PIBF1: variants seen among roughly 807,000 people sequenced by gnomAD.
PIBF1 encodes progesterone-induced-blocking factor 1.
Under a neutral mutation model 112.5 loss-of-function variants are expected in PIBF1, and 90 were observed. That is an observed-to-expected ratio of 0.80 (90% CI 0.67 to 0.95). The LOEUF (loss-of-function observed/expected upper bound fraction) is 0.95, where lower values mean the gene tolerates loss of function less well. Ranked by LOEUF, PIBF1 falls within the 40% of genes least tolerant of loss-of-function variation. The probability of loss-of-function intolerance (pLI) is 0.00; values close to 1 mark genes in which losing one functional copy is unlikely to be tolerated. For synonymous variants in PIBF1, 301 were observed against 288.6 expected (o/e 1.04, Z -0.44); for missense variants, 915 against 852.3 (o/e 1.07, Z -0.92).
chr13:72,915,829 C>G (rs2041073201), intron 12 of PIBF1, among the ~76,000 whole-genome samples: 1 of 152,106 alleles, frequency 6.6e-6, no homozygotes, highest in Non-Finnish European at 1.5e-5. Flanking sequence ...ATCTTTACTA[C>G]AGAAGGGCCA....
At chr13:73,012,139 A>G (rs1171165463) in intron 17 of PIBF1, among the ~76,000 whole-genome samples, 2 of 152,056 alleles carry the variant, frequency 1.3e-5, no homozygotes, top group Non-Finnish European at 2.9e-5. Context: ...ATCACCTGAG[A>G]TCAGGAGGTC....
chr13:72,853,311 A>G (rs1351745022), intron 9 of PIBF1, among the ~76,000 whole-genome samples: 3 of 152,136 alleles, frequency 2.0e-5, no homozygotes, highest in African/African-American at 7.2e-5. Flanking sequence ...CCAGTACCCT[A>G]ACTTCATACT....
chr13:72,998,792 C>G (rs369265112), intron 16 of PIBF1, 30 bp from the exon 17 acceptor site: 2 of 1,545,306 alleles, frequency 1.3e-6, no homozygotes, highest in African/African-American at 2.7e-5. Flanking sequence ...ATCACTCTTG[C>G]TACTTTCTTC....
chr13:72,824,901 C>T (rs1160332000), intron 6 of PIBF1, among the ~76,000 whole-genome samples: 2 of 152,184 alleles, frequency 1.3e-5, no homozygotes, highest in Admixed American at 1.3e-4. Flanking sequence ...GTTTCTGTAT[C>T]AGAGAATCAT....
At chr13:72,834,060 A>G (rs1289625567) in intron 8 of PIBF1, among the ~76,000 whole-genome samples, 2 of 152,188 alleles carry the variant, frequency 1.3e-5, no homozygotes, top group Non-Finnish European at 2.9e-5. Flanking sequence ...TCCTATGACT[A>G]ATATCTCTAT....
In PIBF1 at chr13:72,865,634, G is replaced by T. The variant is rs114527656; in HGVS notation, c.1322+11479G>T. Among the ~76,000 whole-genome samples the T allele has an allele frequency of 7.4e-3, 1,119 of 152,198 alleles. 9 individuals are homozygous for T. Among genetic ancestry groups the T allele is most frequent in the African/African-American group, 0.025 (1,026 of 41,530 alleles). On this transcript the variant is annotated intron_variant, in intron 10 of 17. Transcript: ENST00000326291. ...ATGCTTCAAGATGATTGCAAGCATT[G>T]CATTCATTTTGCAAATGAGGAAACA... is the stretch of plus-strand genomic sequence containing the variant.
chr13:72,977,553 G>C (rs112520261), intron 16 of PIBF1, among the ~76,000 whole-genome samples: 1 of 152,180 alleles, frequency 6.6e-6, no homozygotes, highest in East Asian at 1.9e-4. Flanking sequence ...TGATTAGGCT[G>C]TATGTGTTCA....
intron 16 of PIBF1, among the ~76,000 whole-genome samples, chr13:72,977,361 A>G (rs1341334595): frequency 6.6e-6 from 1 of 151,904 alleles, no homozygotes; most frequent in Non-Finnish European, 1.5e-5. Flanking sequence ...GCATGCCACC[A>G]CACCTGGCTA....
intron 5 of PIBF1, among the ~76,000 whole-genome samples, chr13:72,814,737 T>TA (rs533559357): frequency 1.7e-4 from 26 of 150,500 alleles, no homozygotes; most frequent in South Asian, 8.4e-4. Flanking sequence ...CTTTATTATT[T>TA]AAAAAAAAAG....
At chr13:72,949,433 A>G (rs1296954492) in intron 14 of PIBF1, among the ~76,000 whole-genome samples, 5 of 146,398 alleles carry the variant, frequency 3.4e-5, no homozygotes, top group Non-Finnish European at 1.5e-5. Flanking sequence ...CTCCTGCCTC[A>G]TCCTCCCCAG....
chr13:72,849,900 G>A (rs978721565), intron 9 of PIBF1, among the ~76,000 whole-genome samples: 2 of 152,162 alleles, frequency 1.3e-5, no homozygotes, highest in Admixed American at 6.5e-5. Context: ...CAACTGCTTT[G>A]TGGGATTGTT....
intron 5 of PIBF1, 79 bp from the exon 6 acceptor site, chr13:72,821,770 C>T: frequency 2.0e-6 from 2 of 1,024,646 alleles, no homozygotes; most frequent in Non-Finnish European, 2.8e-6. Context: ...CACAGCTTAA[C>T]AGAAGACTTC....
chr13:72,944,644 C>A (rs1313502511), intron 14 of PIBF1, among the ~76,000 whole-genome samples: 1 of 151,694 alleles, frequency 6.6e-6, no homozygotes, highest in Non-Finnish European at 1.5e-5. Flanking sequence ...TTAATTAAGA[C>A]AAGTATTCAT....
intron 17 of PIBF1, among the ~76,000 whole-genome samples, chr13:73,011,169 A>G (rs1490601723): frequency 6.6e-6 from 1 of 152,032 alleles, no homozygotes; most frequent in Non-Finnish European, 1.5e-5. Flanking sequence ...CACAAAGCAA[A>G]CTGCTGCCCC....
chr13:72,839,081 T>G (rs942537498), intron 9 of PIBF1, among the ~76,000 whole-genome samples: 1 of 152,196 alleles, frequency 6.6e-6, no homozygotes, highest in Non-Finnish European at 1.5e-5. Context: ...ATTGATCTGA[T>G]TTTATATCAA....
intron 8 of PIBF1, among the ~76,000 whole-genome samples, chr13:72,832,071 C>CTTTTTTTTTTTTTTTTTTTTTTTTTTTT (rs1491281184): frequency 1.7e-5 from 1 of 59,492 alleles, no homozygotes; most frequent in Non-Finnish European, 3.3e-5. Flanking sequence ...GCAATTCCGG[C>CTTTTTTTTTTTTTTTTTTTTTTTTTTTT]CTTTTTTTTT....
intron 3 of PIBF1, among the ~76,000 whole-genome samples, chr13:72,793,989 A>G (rs1234901747): frequency 1.3e-5 from 2 of 152,218 alleles, no homozygotes; most frequent in Non-Finnish European, 2.9e-5. Context: ...TCATGAGACT[A>G]GATGAATTCC....
At chr13:72,957,917 A>G (rs1347899261) in intron 14 of PIBF1, among the ~76,000 whole-genome samples, 6 of 151,950 alleles carry the variant, frequency 3.9e-5, no homozygotes, top group Admixed American at 1.3e-4. Flanking sequence ...GCGCCACTGC[A>G]CTCCAGCCTG....
intron 14 of PIBF1, among the ~76,000 whole-genome samples, chr13:72,957,755 A>G (rs2042487889): frequency 6.6e-6 from 1 of 152,054 alleles, no homozygotes; most frequent in African/African-American, 2.4e-5. Flanking sequence ...CCTGGGCAAT[A>G]TAGCAAGACC....
Sources: gnomAD v4.1 joint callset for allele counts (sites outside exome capture counted in the v4.1 genomes callset) on GRCh38, gnomAD v4.1.1 for gene constraint, MANE v1.5 for transcripts, NCBI Gene and HGNC (gene_info 2026-07-23, HGNC 2026-07-21) for gene names.